The following DAB2IP variants were observed in gnomAD, a reference collection of about 807,000 sequenced individuals.
The protein encoded by DAB2IP is DAB2 interacting protein.
In DAB2IP, 28 loss-of-function variants were observed where a neutral mutation model predicts 107.2. That is an observed-to-expected ratio of 0.26 (90% confidence interval 0.19 to 0.36). The LOEUF (loss-of-function observed/expected upper bound fraction) is 0.36, where lower values mean the gene tolerates loss of function less well. Among genes scored for constraint, DAB2IP ranks in the 10% least tolerant of loss-of-function variants. DAB2IP has a pLI of 1.00. For missense variants in DAB2IP, 1,400 were observed against 1,644.7 expected (o/e 0.85, Z 2.57); for synonymous variants, 755 against 706.4 (o/e 1.07, Z -1.09).
At chr9:121,668,080 A>T (rs1381527143) in intron 1 of DAB2IP, among the ~76,000 whole-genome samples, 1 of 152,168 alleles carries the variant, frequency 6.6e-6, no homozygotes, top group African/African-American at 2.4e-5. Context: ...CCCATGATCT[A>T]AATTATCTCC....
At chr9:121,610,770 G>A (rs763628014) in intron 1 of DAB2IP, among the ~76,000 whole-genome samples, 1 of 152,144 alleles carries the variant, frequency 6.6e-6, no homozygotes, top group African/African-American at 2.4e-5. Context: ...AGGTACAGCG[G>A]TATGCAGGCT....
intron 3 of DAB2IP, among the ~76,000 whole-genome samples, chr9:121,720,996 C>T (rs1025091060): frequency 5.9e-5 from 9 of 152,202 alleles, no homozygotes; most frequent in Non-Finnish European, 1.2e-4. Context: ...CTCCTGCAGG[C>T]GAGCATTGAG....
rs892050717 is a variant in DAB2IP at position 121,757,272 on chromosome 9, G to A, written c.516+106G>A. Reference sequence around the variant, plus strand: ...TCCAGTCTGCTGTGGCCTCAGCAGGGGCCAGGGTCTTGGGGACAGTGGCTA... The same window carrying A: ...TCCAGTCTGCTGTGGCCTCAGCAGGAGCCAGGGTCTTGGGGACAGTGGCTA... On this transcript the variant is annotated intron_variant, in intron 4 of 15. Coordinates refer to ENST00000408936, the Ensembl canonical transcript of DAB2IP. 12 of 1,441,102 alleles carry A rather than the reference G, an allele frequency of 8.3e-6. No individual in the cohort carries two copies. In the Admixed American group the frequency reaches 1.9e-4, roughly 23 times the overall value. 89.3% of individuals were successfully genotyped at this position (1,441,102 alleles called of 1,614,324 possible).
chr9:121,627,121 ACACACACACACACACACACT>A (rs1339605476), intron 1 of DAB2IP, among the ~76,000 whole-genome samples: 3 of 17,310 alleles, frequency 1.7e-4, no homozygotes, highest in Non-Finnish European at 4.6e-4. Context: ...CCCCTACTCA[ACACACACACACACACACACT>A]CACACACACA....
chr9:121,679,537 G>A (rs565622224), intron 2 of DAB2IP, among the ~76,000 whole-genome samples: 54 of 151,960 alleles, frequency 3.6e-4, no homozygotes, highest in African/African-American at 6.8e-4. Context: ...CACCAGAAAC[G>A]CAGCGATGAC....
intron 1 of DAB2IP, among the ~76,000 whole-genome samples, chr9:121,596,791 C>T (rs147625732): frequency 7.2e-5 from 11 of 152,246 alleles, no homozygotes; most frequent in East Asian, 3.9e-4. Context: ...ATGTGCACTT[C>T]GACATTTCTA....
chr9:121,758,838 CA>C, intron 4 of DAB2IP, 59 bp from the exon 5 acceptor site: 1 of 1,498,366 alleles, frequency 6.7e-7, no homozygotes, highest in Non-Finnish European at 9.2e-7. Context: ...CTTCTTCCAT[CA>C]CTGCCTGCCC....
At chr9:121,756,972 G>A (rs375211539) in intron 3 of DAB2IP, 41 bp from the exon 4 acceptor site, 17 of 1,612,448 alleles carry the variant, frequency 1.1e-5, no homozygotes, top group Admixed American at 3.3e-5. Flanking sequence ...AGCTTGACCC[G>A]GGCTGTGGGG....
chr9:121,722,459 A>T (rs1260155627), intron 3 of DAB2IP, among the ~76,000 whole-genome samples: 1 of 151,948 alleles, frequency 6.6e-6, no homozygotes, highest in Non-Finnish European at 1.5e-5. Flanking sequence ...TCCCCCCATG[A>T]TCCATATTTG....
At chr9:121,644,173 AAAGAAG>A (rs150066609) in intron 1 of DAB2IP, among the ~76,000 whole-genome samples, 2,614 of 149,912 alleles carry the variant, frequency 0.017, 90 homozygotes, top group African/African-American at 0.06. Context: ...CTTGTCTAAA[AAAGAAG>A]AAGAAGAGGA....
chr9:121,732,696 G>A (rs1831617249), intron 3 of DAB2IP, among the ~76,000 whole-genome samples: 1 of 152,224 alleles, frequency 6.6e-6, no homozygotes, highest in Non-Finnish European at 1.5e-5. Context: ...TCAGACCCGA[G>A]GGACAGGCTG....
At position 121,748,211 on chromosome 9, in the gene DAB2IP, G is replaced by T. The variant is rs145560392; in HGVS notation, c.363-8802G>T. On this transcript the variant is annotated intron_variant, in intron 3 of 15. Coordinates refer to ENST00000408936, the Ensembl canonical transcript of DAB2IP. ...CGTGTGAGGAAATGGCACCTAGAAG[G>T]GGGAGGAAACTCGTTCAGGGTCTGT... Among the ~76,000 whole-genome samples, 165 of 152,318 alleles carry T rather than the reference G, an allele frequency of 1.1e-3. 1 individual carries two copies. Among genetic ancestry groups the T allele is most frequent in the East Asian group, 3.3e-3 (17 of 5,190 alleles).
In DAB2IP at chr9:121,763,487, C is replaced by T. The variant is rs1488196228; in HGVS notation, c.1171-18C>T. 6.2e-7 allele frequency: 1 copy of T among 1,604,992 alleles called. No homozygotes were observed. The highest frequency in any genetic ancestry group is 1.7e-5 in the Admixed American group (1 of 59,526). On this transcript the variant is annotated intron_variant, in intron 6 of 15. Transcript: ENST00000408936. Reference sequence around the variant, plus strand: ...AGGCCAGCTCAGGTCCTGCTCTCTCCACCTCCTGCCTCCCCAGGACTTCCT... The same window carrying T: ...AGGCCAGCTCAGGTCCTGCTCTCTCTACCTCCTGCCTCCCCAGGACTTCCT...
intron 3 of DAB2IP, among the ~76,000 whole-genome samples, chr9:121,718,469 A>G (rs1056170232): frequency 1.3e-5 from 2 of 152,126 alleles, no homozygotes; most frequent in African/African-American, 2.4e-5. Flanking sequence ...GGTCTTAACA[A>G]GTCCCTCGGG....
intron 1 of DAB2IP, among the ~76,000 whole-genome samples, chr9:121,655,430 A>G (rs1832930733): frequency 6.6e-6 from 1 of 152,168 alleles, no homozygotes; most frequent in Non-Finnish European, 1.5e-5. Context: ...AGCTCCTCTT[A>G]AGCACCTACT....
intron 1 of DAB2IP, among the ~76,000 whole-genome samples, chr9:121,636,818 T>C (rs903098462): frequency 6.6e-6 from 1 of 152,182 alleles, no homozygotes; most frequent in African/African-American, 2.4e-5. Context: ...ACTGGGCAGT[T>C]TACCAGGCAG....
At chr9:121,767,496 G>C (rs1834372075) in intron 9 of DAB2IP, among the ~76,000 whole-genome samples, 1 of 152,236 alleles carries the variant, frequency 6.6e-6, no homozygotes, top group Non-Finnish European at 1.5e-5. Flanking sequence ...ATGTCAGGGT[G>C]AGGCGTTCAT....
intron 1 of DAB2IP, among the ~76,000 whole-genome samples, chr9:121,638,730 G>A (rs1225704120): frequency 6.6e-6 from 1 of 152,172 alleles, no homozygotes; most frequent in African/African-American, 2.4e-5. Flanking sequence ...GGAGGATTTG[G>A]GGGGACAGTT....
chr9:121,600,867 C>T (rs991538380), intron 1 of DAB2IP, among the ~76,000 whole-genome samples: 46 of 152,120 alleles, frequency 3.0e-4, no homozygotes, highest in African/African-American at 1.0e-3. Context: ...GCGTAGAAGG[C>T]GCCTGGCTCG....
Sources: allele counts gnomAD v4.1 joint callset (sites outside exome capture counted in the v4.1 genomes callset), GRCh38; gene constraint gnomAD v4.1.1; transcripts MANE v1.5; gene names NCBI Gene and HGNC (gene_info 2026-07-23, HGNC 2026-07-21).